Variants in CNDP1 observed in about 807,000 individuals in gnomAD.
CNDP1 encodes the protein carnosine dipeptidase 1, also known as beta-Ala-His dipeptidase.
In CNDP1, 44 loss-of-function variants were observed where a neutral mutation model predicts 58.1. The observed-to-expected ratio is 0.76, with a 90% confidence interval of 0.60 to 0.97. CNDP1 has a LOEUF of 0.97. CNDP1 is among the 50% of genes least tolerant of loss of function. CNDP1 has a pLI of 0.00. For synonymous variants in CNDP1, 254 were observed against 252.6 expected (o/e 1.01, Z -0.05); for missense variants, 616 against 655.1 (o/e 0.94, Z 0.65).
intron 10 of CNDP1, among the ~76,000 whole-genome samples, chr18:74,582,720 CA>C (rs1981818534): frequency 1.3e-5 from 2 of 152,090 alleles, no homozygotes; most frequent in Admixed American, 1.3e-4. Context: ...CTGCAGCATA[CA>C]AGAAACTAAG....
chr18:74,547,408 G>A (rs557667434), intron 1 of CNDP1, among the ~76,000 whole-genome samples: 5 of 152,266 alleles, frequency 3.3e-5, no homozygotes, highest in South Asian at 4.1e-4. Context: ...GAGGCTTTGT[G>A]GGGGGTGGAG....
chr18:74,576,173 A>AT lies in CNDP1; in HGVS notation c.842-686dup, dbSNP rs1237231560. 84 of 148,136 alleles carry AT rather than the reference A, an allele frequency of 5.7e-4. No homozygotes were observed. In the East Asian group the frequency reaches 6.4e-3, roughly 11 times the overall value. The allele number at this position is 148,136 out of a possible 1,614,324, so 9.2% of individuals were successfully genotyped here. On this transcript the variant is annotated intron_variant, in intron 7 of 11. Transcript: ENST00000358821. ...ATGAGCCACCGCGCCTGGCCGTATA[A>AT]TTTTTTTTTTGAGACAGAGTCTGAC...
chr18:74,583,388 A>T (rs1342367636), intron 10 of CNDP1, among the ~76,000 whole-genome samples, 173 bp from the exon 11 acceptor site: 1 of 152,194 alleles, frequency 6.6e-6, no homozygotes, highest in Non-Finnish European at 1.5e-5. Context: ...CTTAGAATAT[A>T]ATTGCATGAT....
intron 1 of CNDP1, among the ~76,000 whole-genome samples, chr18:74,551,361 A>ACACACAC (rs1980901758): frequency 6.8e-6 from 1 of 147,970 alleles, no homozygotes; most frequent in Non-Finnish European, 1.5e-5. Context: ...GCACAACTGT[A>ACACACAC]ACACACACAC....
In CNDP1 at chr18:74,567,309, A is replaced by C; in HGVS notation, c.632A>C (p.Glu211Ala). ...AGSVALEELV[E>A]KEKDRFFSGV... Reference sequence around the variant, plus strand: ...TCTGTTGCCCTGGAGGAACTTGTGGAAAAAGAAAAGGACCGATTCTTCTCT... The same window carrying C: ...TCTGTTGCCCTGGAGGAACTTGTGGCAAAAGAAAAGGACCGATTCTTCTCT... Residue 211 changes from glutamate (E) to alanine (A), a missense_variant, in exon 6 of 12, where the codon GAA (glutamate) becomes GCA (alanine). Physicochemically the swap from Glu to Ala is moderately radical, Grantham distance 107. Transcript: ENST00000358821. 1 of 1,614,122 alleles carries C rather than the reference A, an allele frequency of 6.2e-7. No homozygotes were observed. The highest frequency in any genetic ancestry group is 8.5e-7 in the Non-Finnish European group (1 of 1,179,966).
In CNDP1 at chr18:74,578,314, C is replaced by T. The variant is rs536184259; in HGVS notation, c.1154C>T (p.Ala385Val). The T allele has an allele frequency of 4.0e-5, 64 of 1,602,570 alleles. No individual in the cohort carries two copies. The highest frequency in any genetic ancestry group is 3.8e-4 in the African/African-American group (28 of 74,252). Residue 385 changes from alanine to valine, a missense_variant, in exon 9 of 12, where the codon GCG becomes GTG. Physicochemically the swap from Ala to Val is moderately conservative, Grantham distance 64 (BLOSUM62 0). Coordinates refer to ENST00000358821, the MANE Select transcript of CNDP1 (RefSeq NM_032649.6). ...CTAGTCCCTCACATGAATGTGTCTG[C>T]GGTGGAAAAACAGGTAACAAATGCT... ...IRLVPHMNVS[A>V]VEKQVTRHLE...
At chr18:74,554,552 C>T (rs1980988252) in intron 1 of CNDP1, among the ~76,000 whole-genome samples, 2 of 152,148 alleles carry the variant, frequency 1.3e-5, no homozygotes, top group African/African-American at 4.8e-5. Flanking sequence ...TTGGATGCTC[C>T]CCAGCTCACC....
chr18:74,580,058 T>C (rs943583227), intron 9 of CNDP1, 72 bp from the exon 10 acceptor site: 24 of 1,373,198 alleles, frequency 1.7e-5, no homozygotes, highest in Non-Finnish European at 2.2e-5. Context: ...AGTTTCTTGA[T>C]GGAAGACTAT....
At chr18:74,575,173 A>G (rs1392258165) in intron 7 of CNDP1, among the ~76,000 whole-genome samples, 3 of 152,118 alleles carry the variant, frequency 2.0e-5, no homozygotes, top group African/African-American at 7.2e-5. Flanking sequence ...AGGAAGGAAA[A>G]GGTAAATGAG....
At chr18:74,572,790 C>CAAAAAAAAAAAAAAAAACAAAA (rs1981513240) in intron 7 of CNDP1, among the ~76,000 whole-genome samples, 1 of 60,072 alleles carries the variant, frequency 1.7e-5, no homozygotes, top group Non-Finnish European at 3.0e-5. Flanking sequence ...GACCCTGTAT[C>CAAAAAAAAAAAAAAAAACAAAA]AAAAAAAAAA....
chr18:74,561,932 C>A (rs9319909), intron 4 of CNDP1, 115 bp from the exon 5 acceptor site: 2 of 794,092 alleles, frequency 2.5e-6, no homozygotes, highest in South Asian at 3.1e-5. Flanking sequence ...TTTGAGCCTG[C>A]AATATTATTA....
intron 6 of CNDP1, among the ~76,000 whole-genome samples, chr18:74,567,760 G>A (rs566241324): frequency 1.3e-5 from 2 of 152,378 alleles, no homozygotes; most frequent in African/African-American, 4.8e-5. Context: ...GAGGTAAGCA[G>A]ACTGCGCGAT....
chr18:74,560,342 C>T (rs1465221599), intron 3 of CNDP1, among the ~76,000 whole-genome samples: 1 of 152,216 alleles, frequency 6.6e-6, no homozygotes, highest in Non-Finnish European at 1.5e-5. Context: ...AGAGGACATT[C>T]AGCTAATGAT....
chr18:74,561,654 C>A, intron 4 of CNDP1: 1 of 189,820 alleles, frequency 5.3e-6, no homozygotes, highest in Non-Finnish European at 1.1e-5. Flanking sequence ...ATACACACAT[C>A]TTTTTTTCAT....
chr18:74,550,218 C>T (rs1002142550), intron 1 of CNDP1, among the ~76,000 whole-genome samples: 26 of 152,348 alleles, frequency 1.7e-4, no homozygotes, highest in African/African-American at 5.0e-4. Context: ...CTTGGAAAAG[C>T]CATAGCGGTG....
chr18:74,548,176 G>A (rs141664609), intron 1 of CNDP1, among the ~76,000 whole-genome samples: 112 of 152,300 alleles, frequency 7.4e-4, no homozygotes, highest in African/African-American at 2.5e-3. Flanking sequence ...TTTTCAATGG[G>A]TGATGAGAGT....
In CNDP1 at chr18:74,583,524, C is replaced by T. The variant is rs767642687; in HGVS notation, c.1310-37C>T. 4 of 1,600,920 alleles carry T rather than the reference C, an allele frequency of 2.5e-6. No individual in the cohort carries two copies. In the African/African-American group the frequency reaches 4.0e-5, roughly 16 times the overall value. ...AGGAGCTTCCTGGGGGTGTTCTTGT[C>T]CTTACCCTATTCAAATGCCTTCTTT... On this transcript the variant is annotated intron_variant, in intron 10 of 11. Coordinates refer to ENST00000358821, the MANE Select transcript of CNDP1 (RefSeq NM_032649.6).
chr18:74,580,170 G>A lies in CNDP1; in HGVS notation c.1208G>A (p.Ser403Asn), dbSNP rs767104785. ...HLEDVFSKRN[S>N]SNKMVVSMTL... ...GAAGATGTGTTCTCCAAAAGAAATA[G>A]TTCCAACAAGATGGTTGTTTCCATG... The change falls in exon 10 of 12, where the codon AGT (serine) becomes AAT (asparagine). Residue 403 changes from serine (S) to asparagine (N), a missense_variant. By Grantham distance (46) the Ser-to-Asn change is conservative. Coordinates refer to ENST00000358821, the MANE Select transcript of CNDP1 (RefSeq NM_032649.6). The A allele has an allele frequency of 6.2e-7, 1 of 1,613,854 alleles. No individual in the cohort carries two copies. The highest frequency in any genetic ancestry group is 1.3e-5 in the African/African-American group (1 of 74,946).
chr18:74,539,497 G>A (rs138733929), intron 1 of CNDP1, among the ~76,000 whole-genome samples: 4 of 152,268 alleles, frequency 2.6e-5, no homozygotes, highest in Admixed American at 6.5e-5. Flanking sequence ...TGAGGCATTC[G>A]GATCCTTCCT....
Sources: gnomAD v4.1 joint callset for allele counts (sites outside exome capture counted in the v4.1 genomes callset) on GRCh38, gnomAD v4.1.1 for gene constraint, MANE v1.5 for transcripts, NCBI Gene and HGNC (gene_info 2026-07-23, HGNC 2026-07-21) for gene names.